THSD7A: variants seen among roughly 807,000 people sequenced by gnomAD.
THSD7A encodes thrombospondin type 1 domain containing 7A, also known as thrombospondin type-1 domain-containing protein 7A.
In THSD7A, 96 loss-of-function variants were observed where a neutral mutation model predicts 231.3. That is an observed-to-expected ratio of 0.41 (90% CI 0.35 to 0.49). The LOEUF is 0.49. Ranked by LOEUF, THSD7A falls within the 20% of genes least tolerant of loss-of-function variation. The pLI is 0.05. For missense variants in THSD7A, 2,290 were observed against 2,070.2 expected, an observed-to-expected ratio of 1.11 and a Z score of -2.06; for synonymous variants, 940 against 743.3, an observed-to-expected ratio of 1.26 and a Z score of -4.30.
At chr7:11,694,339 C>G (rs994215723) in intron 1 of THSD7A, among the ~76,000 whole-genome samples, 8 of 151,458 alleles carry the variant, frequency 5.3e-5, no homozygotes, top group African/African-American at 1.9e-4. Flanking sequence ...GTTGGGCCTG[C>G]GGGACCACCA....
At chr7:11,584,822 C>A (rs1791326565) in intron 4 of THSD7A, among the ~76,000 whole-genome samples, 1 of 152,092 alleles carries the variant, frequency 6.6e-6, no homozygotes. Context: ...ATCATGTGTC[C>A]TCTATTCAAA....
At chr7:11,600,285 A>C (rs534407488) in intron 2 of THSD7A, among the ~76,000 whole-genome samples, 2 of 152,314 alleles carry the variant, frequency 1.3e-5, no homozygotes, top group African/African-American at 4.8e-5. Flanking sequence ...ATTCAAGTAC[A>C]TCCACTTTTC....
chr7:11,740,360 A>C (rs1249283929), intron 1 of THSD7A, among the ~76,000 whole-genome samples: 1 of 151,912 alleles, frequency 6.6e-6, no homozygotes, highest in East Asian at 1.9e-4. Flanking sequence ...CTCTATCTAC[A>C]TTGCACAGTG....
At chr7:11,742,767 G>C (rs985618960) in intron 1 of THSD7A, among the ~76,000 whole-genome samples, 1 of 151,882 alleles carries the variant, frequency 6.6e-6, no homozygotes, top group Non-Finnish European at 1.5e-5. Flanking sequence ...ATGGGAGGAG[G>C]TCAGATCAGA....
chr7:11,635,103 A>T (rs953044317), intron 2 of THSD7A, among the ~76,000 whole-genome samples: 22 of 152,192 alleles, frequency 1.4e-4, no homozygotes, highest in African/African-American at 5.3e-4. Context: ...TAAGAAAAAC[A>T]ATCCAGCTGT....
chr7:11,608,834 A>T (rs1407770845), intron 2 of THSD7A, among the ~76,000 whole-genome samples: 2 of 152,124 alleles, frequency 1.3e-5, no homozygotes, highest in African/African-American at 4.8e-5. Flanking sequence ...AATGGTTCCC[A>T]AACAGAATTC....
chr7:11,490,221 C>T (rs1489196480), intron 6 of THSD7A, among the ~76,000 whole-genome samples: 1 of 152,056 alleles, frequency 6.6e-6, no homozygotes, highest in African/African-American at 2.4e-5. Flanking sequence ...TGACTTCATT[C>T]CGGAGATAGA....
At chr7:11,561,444 A>G (rs914239853) in intron 4 of THSD7A, among the ~76,000 whole-genome samples, 23 of 152,344 alleles carry the variant, frequency 1.5e-4, no homozygotes, top group African/African-American at 5.1e-4. Context: ...GTCTAATTAA[A>G]TTATTATTAA....
rs968355030 is a variant in THSD7A, at chr7:11,814,096, G to A, written c.190+17661C>T. 2.0e-5 allele frequency among the ~76,000 whole-genome samples: 3 copies of A among 152,172 alleles called. No individual in the cohort carries two copies. The highest frequency in any genetic ancestry group is 7.2e-5 in the African/African-American group (3 of 41,444). ...TTCATATGAAAGGTCCAGACTAGGC[G>A]AATAGAGAAAAAGTAGATTGGTATT... On this transcript the variant is annotated intron_variant, in intron 1 of 27. Coordinates refer to ENST00000423059, the MANE Select transcript of THSD7A (RefSeq NM_015204.3). The surrounding 1 kb of genome is among the most constrained non-coding windows in gnomAD (Gnocchi z 5.1).
rs1780079206 is a variant in THSD7A at position 11,687,030 on chromosome 7, G to A, written c.191-50069C>T. 2.0e-5 allele frequency among the ~76,000 whole-genome samples: 3 copies of A among 151,640 alleles called. No homozygotes were observed. The South Asian group carries it at 6.2e-4, about 32-fold the overall frequency. On this transcript the variant is annotated intron_variant, in intron 1 of 27. Transcript: ENST00000423059. ...CTCAATGAATAAAAAAATAATATGT[G>A]GGAGAAAGAAATTTTGATATTTTAT...
intron 1 of THSD7A, among the ~76,000 whole-genome samples, chr7:11,768,799 T>C (rs1207561517): frequency 2.0e-5 from 3 of 152,098 alleles, no homozygotes; most frequent in East Asian, 1.9e-4. Flanking sequence ...AAGAATATGA[T>C]ATTTAAATTT....
chr7:11,676,425 T>C (rs1257930826), intron 1 of THSD7A, among the ~76,000 whole-genome samples: 2 of 152,124 alleles, frequency 1.3e-5, no homozygotes, highest in Non-Finnish European at 2.9e-5. Context: ...GTTTGACTAA[T>C]AGACAGAATT....
intron 1 of THSD7A, among the ~76,000 whole-genome samples, chr7:11,747,382 C>T (rs1471572382): frequency 4.0e-5 from 6 of 151,706 alleles, no homozygotes; most frequent in South Asian, 2.1e-4. Context: ...AATTCCTCTC[C>T]GTTGAGTGAG....
intron 2 of THSD7A, among the ~76,000 whole-genome samples, chr7:11,612,823 C>T (rs80229992): frequency 0.026 from 3,962 of 152,136 alleles, 161 homozygotes; most frequent in African/African-American, 0.084. Context: ...CTCTTAGTTG[C>T]CTTACTTTGC....
At chr7:11,719,732 C>T (rs1434240798) in intron 1 of THSD7A, among the ~76,000 whole-genome samples, 1 of 151,668 alleles carries the variant, frequency 6.6e-6, no homozygotes, top group Non-Finnish European at 1.5e-5. Flanking sequence ...CTCTATTCTT[C>T]TAGAAATCTC....
At chr7:11,680,670 A>G (rs1308848965) in intron 1 of THSD7A, among the ~76,000 whole-genome samples, 1 of 152,222 alleles carries the variant, frequency 6.6e-6, no homozygotes, top group Non-Finnish European at 1.5e-5. Context: ...CACAGCAGTT[A>G]GAATAGCGAT....
chr7:11,444,776 G>T lies in THSD7A; in HGVS notation c.3064+1285C>A, dbSNP rs1464777300. On this transcript the variant is annotated intron_variant, in intron 13 of 27. Transcript: ENST00000423059. This position sits in a 1 kb window ranked among gnomAD's most constrained non-coding sequence, Gnocchi z 4.2. ...AAAAAAAAAGAGAGGGGGCACAGTT[G>T]TCTGCTCTGTGTGTGTGTGTGTGTG... Among the ~76,000 whole-genome samples, 1 of 137,902 alleles carries T rather than the reference G, an allele frequency of 7.3e-6. No individual in the cohort carries two copies. The highest frequency in any genetic ancestry group is 3.2e-5 in the African/African-American group (1 of 31,524). 90.5% of individuals were successfully genotyped at this position (137,902 alleles called of 152,430 possible).
In THSD7A at chr7:11,412,894, T is replaced by G. The variant is rs1300053491; in HGVS notation, c.3538-94A>C. ...GCACTGGAGCAGGAGTTAGAACATT[T>G]GGGCCACTGGCTAACTCAGAAAAGT... On this transcript the variant is annotated intron_variant, in intron 17 of 27. Coordinates refer to ENST00000423059, the MANE Select transcript of THSD7A (RefSeq NM_015204.3). 8 of 1,408,310 alleles carry G rather than the reference T, an allele frequency of 5.7e-6. No individual in the cohort carries two copies. The African/African-American group carries it at 1.1e-4, about 20-fold the overall frequency. 87.2% of individuals were successfully genotyped at this position (1,408,310 alleles called of 1,614,324 possible).
At chr7:11,721,427 C>T (rs1326983579) in intron 1 of THSD7A, among the ~76,000 whole-genome samples, 1 of 151,750 alleles carries the variant, frequency 6.6e-6, no homozygotes, top group African/African-American at 2.4e-5. Flanking sequence ...CTTCTCTAGC[C>T]ATGTAAGACA....
Sources: allele counts gnomAD v4.1 joint callset (sites outside exome capture counted in the v4.1 genomes callset), GRCh38; gene constraint gnomAD v4.1.1; non-coding constraint Gnocchi (gnomAD v3.1); transcripts MANE v1.5; gene names NCBI Gene and HGNC (gene_info 2026-07-23, HGNC 2026-07-21).